APTX: variants seen among roughly 807,000 people sequenced by gnomAD.
APTX encodes the protein aprataxin, also known as forkhead-associated domain histidine triad-like protein.
A neutral mutation model predicts 42.3 loss-of-function variants in APTX; 33 were observed. The observed-to-expected ratio is 0.78, with a 90% CI of 0.59 to 1.04. The LOEUF is 1.04. Among genes scored for constraint, APTX ranks in the 50% least tolerant of loss-of-function variants. APTX has a pLI of 0.00. For missense variants in APTX, 421 were observed against 415.1 expected (o/e 1.01, Z -0.12); for synonymous variants, 130 against 146.7 (o/e 0.89, Z 0.82).
intron 1 of APTX, chr9:33,020,240 C>G (rs1158808186): frequency 5.6e-6 from 1 of 177,110 alleles, no homozygotes; most frequent in East Asian, 1.4e-4. Flanking sequence ...CAATTTTGCT[C>G]CTACCCTGGC....
At chr9:32,995,715 G>A (rs549628858) in intron 1 of APTX, among the ~76,000 whole-genome samples, 65 of 152,090 alleles carry the variant, frequency 4.3e-4, no homozygotes, top group South Asian at 3.7e-3. Context: ...GTGAAACCCA[G>A]TCTCTACTAA....
intron 5 of APTX, among the ~76,000 whole-genome samples, chr9:32,985,241 T>C (rs1831655017): frequency 6.6e-6 from 1 of 152,112 alleles, no homozygotes; most frequent in East Asian, 1.9e-4. Context: ...TACACGTGGG[T>C]TCCAGTGAGC....
intron 1 of APTX, among the ~76,000 whole-genome samples, chr9:33,013,639 T>C (rs565284840): frequency 6.6e-6 from 1 of 152,078 alleles, no homozygotes; most frequent in African/African-American, 2.4e-5. Context: ...ACCCCATCTC[T>C]ACTAAAAATA....
In APTX at chr9:32,973,484, C is replaced by G. The variant is rs369930661; in HGVS notation, c.*14G>C. ...AGTGGGCCACACCACAGCAGCAGCT[C>G]AGGCTCTGCAGAATCACTGTGTCCA... On this transcript the variant is annotated 3_prime_UTR_variant, in exon 8 of 8. Transcript: ENST00000379817. 1.2e-5 allele frequency: 19 copies of G among 1,613,734 alleles called. No homozygotes were observed. In the African/African-American group the frequency reaches 2.1e-4, roughly 18 times the overall value.
At chr9:32,989,982 G>T in intron 1 of APTX, 87 bp from the exon 2 acceptor site, 1 of 1,510,452 alleles carries the variant, frequency 6.6e-7, no homozygotes, top group Non-Finnish European at 9.0e-7. Flanking sequence ...CCACGCATGT[G>T]ATCTACCAGC....
At position 33,023,204 on chromosome 9, in the gene APTX, G is replaced by A. The variant is rs114964042; in HGVS notation, c.-5+1819C>T. Among the ~76,000 whole-genome samples, 794 of 151,810 alleles carry A rather than the reference G, an allele frequency of 5.2e-3. 8 individuals carry two copies. Among genetic ancestry groups the A allele is most frequent in the African/African-American group, 0.018 (746 of 41,352 alleles). ...TATGTTGTGAGCTCCTTGAAGGCAG[G>A]GACCACGACTTATGTGATTTTTTTT... On this transcript the variant is annotated intron_variant, in intron 1 of 6. Coordinates refer to the APTX transcript ENST00000436040.
intron 4 of APTX, 25 bp from the exon 5 acceptor site, chr9:32,986,055 C>CAAAAAAAAAAAACA: frequency 9.6e-6 from 5 of 521,230 alleles, no homozygotes; most frequent in Non-Finnish European, 1.3e-5. Context: ...AAAAAAAAAA[C>CAAAAAAAAAAAACA]AAAAAAAAAA....
intron 1 of APTX, among the ~76,000 whole-genome samples, chr9:32,996,275 G>T (rs1178600809): frequency 5.9e-5 from 5 of 84,204 alleles, no homozygotes; most frequent in Non-Finnish European, 1.1e-4. Flanking sequence ...CAAATAAATC[G>T]CTCTTTTTTT....
chr9:32,974,343 A>G, intron 7 of APTX, 115 bp downstream of exon 7: 2 of 737,000 alleles, frequency 2.7e-6, no homozygotes, highest in Non-Finnish European at 4.8e-6. Flanking sequence ...TATAGGGAAC[A>G]CAAAGTTGTA....
At chr9:33,000,831 CTTTTT>C (rs374850423) in intron 1 of APTX, among the ~76,000 whole-genome samples, 1 of 123,482 alleles carries the variant, frequency 8.1e-6, no homozygotes, top group African/African-American at 3.0e-5. Flanking sequence ...TGGGGAAAGG[CTTTTT>C]TTTTTTTTCT....
chr9:32,992,697 C>A (rs1357517444), intron 1 of APTX, among the ~76,000 whole-genome samples: 2 of 152,170 alleles, frequency 1.3e-5, no homozygotes, highest in Non-Finnish European at 2.9e-5. Context: ...TAAGATAAAA[C>A]AACAGCATCC....
At position 32,983,458 on chromosome 9, in the gene APTX, G is replaced by A. The variant is rs751980136; in HGVS notation, c.770+1173C>T. Among the ~76,000 whole-genome samples, 5 of 152,246 alleles carry A rather than the reference G, an allele frequency of 3.3e-5. No homozygotes were observed. The East Asian group carries it at 7.7e-4, about 23-fold the overall frequency. On this transcript the variant is annotated intron_variant, in intron 6 of 7. Transcript: ENST00000379817. The stretch of plus-strand genomic sequence containing the variant: ...GAATGATAGTGAAAAGATTATACAC[G>A]CTTATGAAAACTGATCAAACTATGC...
At chr9:33,021,145 GA>G (rs1838347556) in intron 1 of APTX, among the ~76,000 whole-genome samples, 3 of 137,282 alleles carry the variant, frequency 2.2e-5, no homozygotes, top group Admixed American at 2.2e-4. Flanking sequence ...AAAAAAAAAA[GA>G]AAGTATGAAA....
chr9:33,020,606 T>C (rs1407730294), intron 1 of APTX, among the ~76,000 whole-genome samples: 1 of 152,238 alleles, frequency 6.6e-6, no homozygotes, highest in East Asian at 1.9e-4. Flanking sequence ...TTTAGCGCAG[T>C]GCCTGGCAGG....
At chr9:32,992,525 G>C (rs1833880963) in intron 1 of APTX, among the ~76,000 whole-genome samples, 1 of 152,206 alleles carries the variant, frequency 6.6e-6, no homozygotes, top group Non-Finnish European at 1.5e-5. Context: ...TTCGGCAATG[G>C]CAAGCCATAG....
At chr9:33,003,982 T>C (rs1384836919), upstream of APTX, among the ~76,000 whole-genome samples, 2 of 152,242 alleles carry the variant, frequency 1.3e-5, no homozygotes, top group Non-Finnish European at 2.9e-5. Flanking sequence ...TGAGATCCTG[T>C]TTTCACAATT....
chr9:32,992,786 T>C (rs1267750515), intron 1 of APTX, among the ~76,000 whole-genome samples: 1 of 152,180 alleles, frequency 6.6e-6, no homozygotes, highest in Non-Finnish European at 1.5e-5. Flanking sequence ...AGGCTGTTAA[T>C]ATAACGTGAG....
intron 4 of APTX, among the ~76,000 whole-genome samples, chr9:32,987,086 T>A (rs889135434): frequency 4.6e-5 from 7 of 152,212 alleles, no homozygotes; most frequent in African/African-American, 1.7e-4. Context: ...AGCGCTGAGA[T>A]TACAGGCGTG....
At chr9:32,974,690 G>C (rs992779221) in intron 6 of APTX, 129 bp from the exon 7 acceptor site, 3 of 657,846 alleles carry the variant, frequency 4.6e-6, no homozygotes, top group Non-Finnish European at 8.2e-6. Flanking sequence ...TACTATTGAA[G>C]TGATAGTGTG....
Sources: gnomAD v4.1 joint callset for allele counts (sites outside exome capture counted in the v4.1 genomes callset) on GRCh38, gnomAD v4.1.1 for gene constraint, MANE v1.5 for transcripts, NCBI Gene and HGNC (gene_info 2026-07-23, HGNC 2026-07-21) for gene names.